Variants in RNLS observed in about 807,000 individuals in gnomAD.
The protein encoded by RNLS is renalase.
Under a neutral mutation model 39.8 loss-of-function variants are expected in RNLS, and 39 were observed. The ratio of observed to expected loss-of-function variants is 0.98; its 90% confidence interval spans 0.76 to 1.28. The LOEUF (loss-of-function observed/expected upper bound fraction) is 1.28, where lower values mean the gene tolerates loss of function less well. RNLS is among the 50% of genes most tolerant of loss of function. RNLS has a pLI of 0.00. For synonymous variants in RNLS, 147 were observed against 150.7 expected (o/e 0.98, Z 0.18); for missense variants, 410 against 413.3 (o/e 0.99, Z 0.07).
intron 4 of RNLS, among the ~76,000 whole-genome samples, chr10:88,395,220 A>C (rs944033614): frequency 2.3e-5 from 3 of 127,860 alleles, no homozygotes; most frequent in African/African-American, 9.6e-5. Context: ...AAAAAGTATC[A>C]AGAACTTTAA....
chr10:88,393,480 T>C (rs1852345910), intron 4 of RNLS, among the ~76,000 whole-genome samples: 1 of 152,134 alleles, frequency 6.6e-6, no homozygotes, highest in Non-Finnish European at 1.5e-5. Flanking sequence ...GAATCCAACT[T>C]ACAAGGGATG....
chr10:88,227,151 GCC>G, the RNLS span, among the ~76,000 whole-genome samples: 1 of 152,092 alleles, frequency 6.6e-6, no homozygotes, highest in South Asian at 2.1e-4. Context: ...TTACTATCTG[GCC>G]CTTTATAGAA....
Position 88,284,329 on chromosome 10 carries a change from C to G in RNLS, c.*1025G>C. The G allele has an allele frequency of 1.0e-6, 1 of 985,306 alleles. No homozygotes were observed. Among genetic ancestry groups the G allele is most frequent in the Non-Finnish European group, 1.2e-6 (1 of 829,892 alleles). 61.0% of individuals were successfully genotyped at this position (985,306 alleles called of 1,614,324 possible). ...GAGGCTGCAATGATTTTTCTCCTTT[C>G]AAAATGCTGAAATAGAACTCATCAT... On this transcript the variant is annotated 3_prime_UTR_variant, in exon 7 of 7. Transcript: ENST00000331772.
At chr10:88,267,405 C>T in the RNLS span, among the ~76,000 whole-genome samples, 2 of 152,120 alleles carry the variant, frequency 1.3e-5, no homozygotes, top group Non-Finnish European at 2.9e-5. Flanking sequence ...GCGAGACCCC[C>T]TCTTCACCAA....
chr10:88,466,780 C>G (rs1843232427), intron 4 of RNLS, among the ~76,000 whole-genome samples: 1 of 152,068 alleles, frequency 6.6e-6, no homozygotes, highest in African/African-American at 2.4e-5. Context: ...TATGAACAAA[C>G]TAGGTTGCAT....
chr10:88,312,372 G>T (rs1316130127), intron 6 of RNLS, among the ~76,000 whole-genome samples: 1 of 152,138 alleles, frequency 6.6e-6, no homozygotes, highest in East Asian at 1.9e-4. Flanking sequence ...CTCTCCTAGG[G>T]CCTCTAGAAA....
At chr10:88,415,895 T>C (rs899182308) in intron 4 of RNLS, among the ~76,000 whole-genome samples, 1 of 152,164 alleles carries the variant, frequency 6.6e-6, no homozygotes. Flanking sequence ...CTAGCAGTCT[T>C]GTTTTCTCCT....
chr10:88,310,824 A>AAAG (rs1845313720), intron 6 of RNLS, among the ~76,000 whole-genome samples: 6 of 113,410 alleles, frequency 5.3e-5, no homozygotes, highest in Admixed American at 9.8e-5. Flanking sequence ...AAAAAAAAAA[A>AAAG]AAAGAAAGAA....
intron 5 of RNLS, among the ~76,000 whole-genome samples, chr10:88,321,997 G>C (rs1846219163): frequency 1.3e-5 from 2 of 151,992 alleles, no homozygotes; most frequent in Admixed American, 1.3e-4. Context: ...CACAATCAAG[G>C]AAGAAAACTA....
At chr10:88,245,074 G>C in the RNLS span, among the ~76,000 whole-genome samples, 1 of 151,964 alleles carries the variant, frequency 6.6e-6, no homozygotes, top group Non-Finnish European at 1.5e-5. Flanking sequence ...AAAAAAAGGG[G>C]AAAAAAAGGA....
chr10:88,184,705 C>A, the RNLS span, among the ~76,000 whole-genome samples: 7 of 152,208 alleles, frequency 4.6e-5, no homozygotes, highest in South Asian at 1.5e-3. Flanking sequence ...ATATAGTTGA[C>A]AGTAAACTAA....
intron 4 of RNLS, among the ~76,000 whole-genome samples, chr10:88,522,834 G>C (rs1168466358): frequency 6.6e-6 from 1 of 152,140 alleles, no homozygotes; most frequent in Non-Finnish European, 1.5e-5. Flanking sequence ...TTTTGCCAAT[G>C]TGGCCAGCAG....
intron 5 of RNLS, among the ~76,000 whole-genome samples, chr10:88,358,047 T>A (rs146788053): frequency 1.3e-5 from 2 of 152,298 alleles, no homozygotes; most frequent in Middle Eastern, 3.4e-3. Context: ...TATACAAAAG[T>A]ACAACAGTAG....
At chr10:88,387,780 G>A (rs893238875) in intron 4 of RNLS, among the ~76,000 whole-genome samples, 1 of 152,168 alleles carries the variant, frequency 6.6e-6, no homozygotes, top group Non-Finnish European at 1.5e-5. Context: ...ATGATTTAGA[G>A]TTGTCCTGTA....
At chr10:88,514,330 C>T (rs531962410) in intron 4 of RNLS, among the ~76,000 whole-genome samples, 16 of 152,124 alleles carry the variant, frequency 1.1e-4, no homozygotes, top group African/African-American at 3.6e-4. Context: ...GGGGAAACCA[C>T]CCCCATGATC....
At chr10:88,423,214 G>A (rs1854512212) in intron 4 of RNLS, among the ~76,000 whole-genome samples, 1 of 152,166 alleles carries the variant, frequency 6.6e-6, no homozygotes, top group African/African-American at 2.4e-5. Context: ...TAGTGGTACT[G>A]TTAATGACCC....
the RNLS span, among the ~76,000 whole-genome samples, chr10:88,228,616 C>T: frequency 6.6e-6 from 1 of 152,234 alleles, no homozygotes; most frequent in Non-Finnish European, 1.5e-5. Flanking sequence ...CCACCACTGT[C>T]TTCCAACCCA....
At chr10:88,526,292 C>T (rs886217359) in intron 4 of RNLS, among the ~76,000 whole-genome samples, 1 of 150,848 alleles carries the variant, frequency 6.6e-6, no homozygotes, top group African/African-American at 2.4e-5. Context: ...ATCAGAATTG[C>T]AGAGCCTCTG....
chr10:88,308,340 AACAG>A (rs753437761), intron 6 of RNLS, among the ~76,000 whole-genome samples: 15 of 152,344 alleles, frequency 9.8e-5, no homozygotes, highest in Non-Finnish European at 1.8e-4. Flanking sequence ...CAACAGAGTG[AACAG>A]ACAGCCTATA....
Sources: allele counts gnomAD v4.1 joint callset (sites outside exome capture counted in the v4.1 genomes callset), GRCh38; gene constraint gnomAD v4.1.1; transcripts MANE v1.5; gene names NCBI Gene and HGNC (gene_info 2026-07-23, HGNC 2026-07-21).